ABI2: variants seen among roughly 807,000 people sequenced by gnomAD.
The protein encoded by ABI2 is abl interactor 2, also known as abelson interactor 2.
Under a neutral mutation model 59.2 loss-of-function variants are expected in ABI2, and 25 were observed. The observed-to-expected ratio is 0.42, with a 90% CI of 0.31 to 0.59. The LOEUF (loss-of-function observed/expected upper bound fraction) is 0.59, where lower values mean the gene tolerates loss of function less well. Among genes scored for constraint, ABI2 ranks in the 20% least tolerant of loss-of-function variants. The pLI is 0.14. For synonymous variants in ABI2, 213 were observed against 235.5 expected (o/e 0.90, Z 0.87); for missense variants, 545 against 681.8 (o/e 0.80, Z 2.23).
intron 1 of ABI2, among the ~76,000 whole-genome samples, chr2:203,366,620 A>G (rs901170078): frequency 6.6e-6 from 1 of 152,102 alleles, no homozygotes; most frequent in Non-Finnish European, 1.5e-5. Flanking sequence ...ATTGGATCTC[A>G]TTTTCTAGAT....
At chr2:203,395,605 A>C in intron 6 of ABI2, 51 bp from the exon 7 acceptor site, 2 of 1,555,518 alleles carry the variant, frequency 1.3e-6, no homozygotes, top group Non-Finnish European at 1.7e-6. Context: ...AGTGCTGATG[A>C]TCTCTTACTG....
At chr2:203,418,961 C>T (rs996688785) in intron 11 of ABI2, among the ~76,000 whole-genome samples, 1 of 152,064 alleles carries the variant, frequency 6.6e-6, no homozygotes, top group African/African-American at 2.4e-5. Context: ...ATATTACATA[C>T]AGAGGAACAA....
At chr2:203,373,659 C>G (rs923913297) in intron 2 of ABI2, among the ~76,000 whole-genome samples, 1 of 152,130 alleles carries the variant, frequency 6.6e-6, no homozygotes, top group Non-Finnish European at 1.5e-5. Context: ...ACATAAAGAA[C>G]TTAAGAAAGT....
intron 2 of ABI2, among the ~76,000 whole-genome samples, chr2:203,376,733 CTTTTTTTT>C (rs370295013): frequency 4.4e-5 from 5 of 114,898 alleles, no homozygotes; most frequent in African/African-American, 1.3e-4. Flanking sequence ...TTGGTCTTCC[CTTTTTTTT>C]TTTTTTTTTT....
chr2:203,421,166 A>G (rs971292428), intron 11 of ABI2, among the ~76,000 whole-genome samples: 4 of 152,170 alleles, frequency 2.6e-5, no homozygotes, highest in African/African-American at 9.7e-5. Flanking sequence ...ATACCTGATA[A>G]TAGTGTAGAG....
At chr2:203,384,304 T>TTTTTTTG (rs2096346039) in intron 4 of ABI2, among the ~76,000 whole-genome samples, 1 of 144,804 alleles carries the variant, frequency 6.9e-6, no homozygotes, top group African/African-American at 2.6e-5. Flanking sequence ...TTTTTTTTTT[T>TTTTTTTG]TTTTTTTTTT....
At chr2:203,404,807 C>T (rs2097359965) in intron 9 of ABI2, among the ~76,000 whole-genome samples, 1 of 152,296 alleles carries the variant, frequency 6.6e-6, no homozygotes. Flanking sequence ...CATCCACTTG[C>T]CTTGGCCTCC....
intron 1 of ABI2, among the ~76,000 whole-genome samples, chr2:203,349,903 G>T (rs1255726911): frequency 6.6e-6 from 1 of 151,994 alleles, no homozygotes; most frequent in African/African-American, 2.4e-5. Flanking sequence ...TTTCTTTGGG[G>T]TATATACCTA....
In ABI2 at chr2:203,409,128, G is replaced by A. The variant is rs113714239; in HGVS notation, c.1193-2157G>A. Among the ~76,000 whole-genome samples the A allele has an allele frequency of 1.2e-4, 19 of 152,090 alleles. 1 individual carries two copies. Among genetic ancestry groups the A allele is most frequent in the African/African-American group, 4.1e-4 (17 of 41,508 alleles). ...GCTGGGATTACAGGCGTGAGCCACCGCGCCCGGCCCAACTACCTTCTCTTT... is the reference window on the plus strand; with the variant it reads ...GCTGGGATTACAGGCGTGAGCCACCACGCCCGGCCCAACTACCTTCTCTTT... On this transcript the variant is annotated intron_variant, in intron 9 of 11. Transcript: ENST00000261018.
chr2:203,342,807 T>C (rs1438063636), intron 1 of ABI2, among the ~76,000 whole-genome samples: 3 of 151,996 alleles, frequency 2.0e-5, no homozygotes, highest in African/African-American at 7.3e-5. Flanking sequence ...TTGACAAAAA[T>C]ATTTAAATTG....
At chr2:203,407,242 A>G (rs2097463485) in intron 9 of ABI2, among the ~76,000 whole-genome samples, 1 of 152,090 alleles carries the variant, frequency 6.6e-6, no homozygotes, top group South Asian at 2.1e-4. Context: ...ACTTTTACAT[A>G]CCTTTTGTTC....
chr2:203,360,871 T>C (rs547082404), intron 1 of ABI2, among the ~76,000 whole-genome samples: 1 of 152,348 alleles, frequency 6.6e-6, no homozygotes, highest in Non-Finnish European at 1.5e-5. Context: ...CCTTTGACTC[T>C]TATGCTGTTG....
At chr2:203,414,943 A>C (rs775219246) in intron 10 of ABI2, among the ~76,000 whole-genome samples, 1 of 152,250 alleles carries the variant, frequency 6.6e-6, no homozygotes, top group Non-Finnish European at 1.5e-5. Context: ...GTAGCTTATT[A>C]AACTGGCAGT....
At chr2:203,369,265 C>T (rs373881221) in intron 2 of ABI2, among the ~76,000 whole-genome samples, 3 of 151,242 alleles carry the variant, frequency 2.0e-5, no homozygotes, top group East Asian at 1.9e-4. Flanking sequence ...TAAAAAGAAA[C>T]GTTAAAAAAA....
intron 1 of ABI2, among the ~76,000 whole-genome samples, chr2:203,352,098 C>T (rs1458048308): frequency 6.6e-6 from 1 of 152,118 alleles, no homozygotes; most frequent in Non-Finnish European, 1.5e-5. Context: ...AATTTTAAAA[C>T]TATGAAAGTA....
intron 4 of ABI2, among the ~76,000 whole-genome samples, chr2:203,389,839 G>A (rs1024144628): frequency 6.6e-6 from 1 of 152,240 alleles, no homozygotes; most frequent in African/African-American, 2.4e-5. Context: ...AGGGCTTTCT[G>A]TATAAGTGCT....
At chr2:203,423,080 G>A (rs1193908855) in intron 11 of ABI2, among the ~76,000 whole-genome samples, 1 of 152,170 alleles carries the variant, frequency 6.6e-6, no homozygotes, top group African/African-American at 2.4e-5. Context: ...AGGTGTGGTT[G>A]CTAATACCCT....
intron 8 of ABI2, among the ~76,000 whole-genome samples, chr2:203,397,904 A>T (rs953292898): frequency 5.3e-5 from 8 of 152,132 alleles, no homozygotes; most frequent in African/African-American, 7.2e-5. Flanking sequence ...TCCAAGGGGG[A>T]TGGTGTTAAA....
At chr2:203,363,262 G>T (rs1400442879) in intron 1 of ABI2, among the ~76,000 whole-genome samples, 1 of 152,122 alleles carries the variant, frequency 6.6e-6, no homozygotes, top group East Asian at 1.9e-4. Context: ...GGGTAAATGG[G>T]ATGTCCATCA....
Sources: gnomAD v4.1 joint callset for allele counts (sites outside exome capture counted in the v4.1 genomes callset) on GRCh38, gnomAD v4.1.1 for gene constraint, MANE v1.5 for transcripts, NCBI Gene and HGNC (gene_info 2026-07-23, HGNC 2026-07-21) for gene names.